Variants in ARPC3 observed in about 807,000 individuals in gnomAD.
ARPC3 encodes actin-related protein 2/3 complex subunit 3.
In ARPC3, 12 loss-of-function variants were observed where a neutral mutation model predicts 27.6. The observed-to-expected ratio is 0.43, with a 90% CI of 0.28 to 0.70. ARPC3 has a LOEUF of 0.70. ARPC3 is among the 30% of genes least tolerant of loss of function. ARPC3 has a pLI of 0.17. For synonymous variants in ARPC3, 53 were observed against 67.2 expected, an observed-to-expected ratio of 0.79 and a Z score of 1.03; for missense variants, 153 against 207.7, an observed-to-expected ratio of 0.74 and a Z score of 1.62.
chr12:110,441,664 G>A (rs1472857168), intron 2 of ARPC3, among the ~76,000 whole-genome samples: 2 of 151,550 alleles, frequency 1.3e-5, no homozygotes, highest in Non-Finnish European at 2.9e-5. Flanking sequence ...CCAGGTAGCC[G>A]GGACTACAGG....
chr12:110,450,116 C>T, intron 1 of ARPC3, 139 bp downstream of exon 1: 1 of 1,279,722 alleles, frequency 7.8e-7, no homozygotes, highest in Admixed American at 2.0e-5. Flanking sequence ...AGCAACCGGT[C>T]CCCTCCCCTC....
intron 1 of ARPC3, among the ~76,000 whole-genome samples, chr12:110,446,066 G>A (rs1157377809): frequency 6.7e-6 from 1 of 149,746 alleles, no homozygotes; most frequent in East Asian, 2.0e-4. Context: ...TCGTGCCACT[G>A]CACTCCAGCC....
chr12:110,445,145 T>C, intron 2 of ARPC3: 1 of 324,314 alleles, frequency 3.1e-6, no homozygotes, highest in East Asian at 7.4e-5. Flanking sequence ...AGGATGGGCA[T>C]GTGGCATTCT....
chr12:110,448,005 C>CT (rs2062475671), intron 1 of ARPC3, among the ~76,000 whole-genome samples: 1 of 150,160 alleles, frequency 6.7e-6, no homozygotes, highest in African/African-American at 2.4e-5. Context: ...ACCTCAGCCT[C>CT]TTGAGAGGCT....
intron 2 of ARPC3, among the ~76,000 whole-genome samples, chr12:110,443,896 T>C (rs2062450963): frequency 6.6e-6 from 1 of 152,094 alleles, no homozygotes; most frequent in African/African-American, 2.4e-5. Context: ...TACAGATATT[T>C]GTTGAATATA....
Position 110,436,687 on chromosome 12 carries a change from G to GAAAAA in ARPC3, c.253-9_253-5dup, listed in dbSNP as rs59861890. On this transcript the variant is annotated splice_region_variant and splice_polypyrimidine_tract_variant and intron_variant, in intron 4 of 6. Coordinates refer to ENST00000228825, the MANE Select transcript of ARPC3 (RefSeq NM_001278556.2). ...CACCTTGGCTTTTGGAATTGCACTG[G>GAAAAA]AAAAAAAAATATATATATATATATA... The GAAAAA allele has an allele frequency of 2.3e-3, 1,826 of 803,946 alleles. 19 individuals carry two copies. Among genetic ancestry groups the GAAAAA allele is most frequent in the African/African-American group, 0.013 (505 of 37,516 alleles). The allele number at this position is 803,946 out of a possible 1,614,324, so 49.8% of individuals were successfully genotyped here. A position where few individuals can be genotyped will look rare whatever the true frequency, so the allele number is the denominator to read the frequency against.
rs1249554970 is a variant in ARPC3, at chr12:110,435,006, A to G, written c.*149T>C. The G allele has an allele frequency of 1.4e-6, 1 of 737,214 alleles. No homozygotes were observed. 45.7% of individuals were successfully genotyped at this position (737,214 alleles called of 1,614,324 possible). On this transcript the variant is annotated 3_prime_UTR_variant, in exon 7 of 7. Coordinates refer to ENST00000228825, the MANE Select transcript of ARPC3 (RefSeq NM_001278556.2). ...TTGATAACCCACTTTCTTTTCTCCCACCCAAATTCTTGATCAAGAGTTTTT... is the reference window on the plus strand; with the variant it reads ...TTGATAACCCACTTTCTTTTCTCCCGCCCAAATTCTTGATCAAGAGTTTTT...
Position 110,445,460 on chromosome 12 carries a change from G to T in ARPC3, c.98C>A (p.Pro33His). The part of the protein sequence containing the change: ...PIRSQFKGPA[P>H]RETKDTDIVD... ...AATGGGTTTAGACTTACTCTCTCTGGGGGCAGGTCCTTTGAATTGACTTCT... is the reference window on the plus strand; with the variant it reads ...AATGGGTTTAGACTTACTCTCTCTGTGGGCAGGTCCTTTGAATTGACTTCT... Residue 33 changes from proline to histidine, a missense_variant, in exon 2 of 7, where the codon CCC becomes CAC. Physicochemically the swap from Pro to His is moderately conservative, Grantham distance 77 (BLOSUM62 -2). Coordinates refer to ENST00000228825, the MANE Select transcript of ARPC3 (RefSeq NM_001278556.2). 4 of 1,607,160 alleles carry T rather than the reference G, an allele frequency of 2.5e-6. No individual in the cohort carries two copies. Among genetic ancestry groups the T allele is most frequent in the Non-Finnish European group, 3.4e-6 (4 of 1,173,674 alleles).
chr12:110,445,344 G>C, intron 2 of ARPC3, 108 bp downstream of exon 2: 1 of 859,958 alleles, frequency 1.2e-6, no homozygotes, highest in South Asian at 1.4e-5. Flanking sequence ...CAAAGTACAA[G>C]GGCAATTTGA....
rs1205264733 is a variant in ARPC3 at position 110,440,514 on chromosome 12, G to C, written c.107-126C>G. On this transcript the variant is annotated intron_variant, in intron 2 of 6. Transcript: ENST00000228825. Reference sequence around the variant, plus strand: ...GTTGTGGAGTTGAATAAAATAAAATGATCCTATTGAAATACAAAGTTTTTA... The same window carrying C: ...GTTGTGGAGTTGAATAAAATAAAATCATCCTATTGAAATACAAAGTTTTTA... 7 of 694,134 alleles carry C rather than the reference G, an allele frequency of 1.0e-5. No homozygotes were observed. The East Asian group carries it at 1.9e-4, about 19-fold the overall frequency. The allele number at this position is 694,134 out of a possible 1,614,324, so 43.0% of individuals were successfully genotyped here.
At chr12:110,437,209 A>G (rs2062411368) in intron 3 of ARPC3, 57 bp from the exon 4 acceptor site, 3 of 1,143,488 alleles carry the variant, frequency 2.6e-6, no homozygotes. Flanking sequence ...AATGATGTGC[A>G]ATGTATGCAT....
At chr12:110,442,489 T>C (rs919793015) in intron 2 of ARPC3, among the ~76,000 whole-genome samples, 10 of 151,998 alleles carry the variant, frequency 6.6e-5, no homozygotes, top group Non-Finnish European at 1.5e-4. Context: ...GTGCCTGTAA[T>C]CCCAGCTACT....
chr12:110,435,837 G>C (rs2062400759), intron 6 of ARPC3, among the ~76,000 whole-genome samples: 1 of 151,536 alleles, frequency 6.6e-6, no homozygotes, highest in Non-Finnish European at 1.5e-5. Flanking sequence ...TGTTGGCCAG[G>C]CTGGTCTCGA....
chr12:110,443,420 C>T (rs1309160015), intron 2 of ARPC3, among the ~76,000 whole-genome samples: 1 of 151,498 alleles, frequency 6.6e-6, no homozygotes, highest in Non-Finnish European at 1.5e-5. Context: ...GCCACCGCGC[C>T]ACGCCCTATT....
intron 3 of ARPC3, among the ~76,000 whole-genome samples, chr12:110,439,708 C>G (rs925763501): frequency 6.6e-6 from 1 of 152,128 alleles, no homozygotes; most frequent in Non-Finnish European, 1.5e-5. Context: ...GTGGTGCATG[C>G]CTGTAGTTCC....
chr12:110,443,985 T>C (rs1176783044), intron 2 of ARPC3, among the ~76,000 whole-genome samples: 1 of 148,614 alleles, frequency 6.7e-6, no homozygotes, highest in East Asian at 1.9e-4. Flanking sequence ...TTTTTTTTTC[T>C]TTTGAAACAG....
At chr12:110,445,764 A>T (rs1383187032) in intron 1 of ARPC3, among the ~76,000 whole-genome samples, 1 of 152,226 alleles carries the variant, frequency 6.6e-6, no homozygotes, top group African/African-American at 2.4e-5. Flanking sequence ...GCTGGTTGTT[A>T]AACACAGCTC....
chr12:110,445,123 T>C, intron 2 of ARPC3: 1 of 290,434 alleles, frequency 3.4e-6, no homozygotes, highest in South Asian at 3.7e-5. Flanking sequence ...CTTTTCCAGG[T>C]TGATGACAGA....
In ARPC3 at chr12:110,445,555, T is replaced by TA. The variant is rs780167821; in HGVS notation, c.7-5dup. ...CCATGAGAGAAGAGTGGTAAGCCTG[T>TA]AATGGCAAGCCCAGGAAGAACACAG... On this transcript the variant is annotated splice_polypyrimidine_tract_variant and splice_region_variant and intron_variant, in intron 1 of 6. Coordinates refer to ENST00000228825, the MANE Select transcript of ARPC3 (RefSeq NM_001278556.2). 1.9e-6 allele frequency: 3 copies of TA among 1,595,478 alleles called. No individual in the cohort carries two copies. In the African/African-American group the frequency reaches 4.0e-5, roughly 21 times the overall value.
Sources: allele counts gnomAD v4.1 joint callset (sites outside exome capture counted in the v4.1 genomes callset), GRCh38; gene constraint gnomAD v4.1.1; transcripts MANE v1.5; gene names NCBI Gene and HGNC (gene_info 2026-07-23, HGNC 2026-07-21).